LONRF3: variants seen among roughly 807,000 people sequenced by gnomAD.
The protein encoded by LONRF3 is LON peptidase N-terminal domain and RING finger protein 3.
A neutral mutation model predicts 51.7 loss-of-function variants in LONRF3; 19 were observed. The ratio of observed to expected loss-of-function variants is 0.37; its 90% CI spans 0.26 to 0.54. The LOEUF (loss-of-function observed/expected upper bound fraction) is 0.54, where lower values mean the gene tolerates loss of function less well. Among genes scored for constraint, LONRF3 ranks in the 20% least tolerant of loss-of-function variants. The pLI, the probability that LONRF3 is intolerant of heterozygous loss-of-function variation, is 0.86. For missense variants in LONRF3, 521 were observed against 623.9 expected (o/e 0.84, Z 1.76); for synonymous variants, 265 against 257.8 (o/e 1.03, Z -0.27).
chrX:119,013,342 G>C, intron 9 of LONRF3, 141 bp downstream of exon 9: 1 of 612,539 alleles, frequency 1.6e-6, no homozygotes, highest in Non-Finnish European at 2.5e-6. Flanking sequence ...ATTGAATGCT[G>C]CTGGATTGCT....
At position 118,975,079 on chromosome X, in the gene LONRF3, T is replaced by TGGCTGAGCAGCTGGAGC; in HGVS notation, c.300_316dup (p.Gln106ArgfsTer103). On this transcript the variant is annotated frameshift_variant, in exon 1 of 11. Transcript: ENST00000371628. LOFTEE classifies it high-confidence loss of function. ...CAGCTCTCCGAGCGGCAGCAGCTGG[T>TGGCTGAGCAGCTGGAGC]GGCTGAGCAGCTGGAGCAGCTGGTG... 1 of 1,174,095 alleles carries TGGCTGAGCAGCTGGAGC rather than the reference T, an allele frequency of 8.5e-7. No homozygotes were observed. Among genetic ancestry groups the TGGCTGAGCAGCTGGAGC allele is most frequent in the Non-Finnish European group, 1.1e-6 (1 of 877,105 alleles).
chrX:119,013,362 C>T (rs1020491435), intron 9 of LONRF3, among the ~76,000 whole-genome samples, 161 bp downstream of exon 9: 1 of 112,133 alleles, frequency 8.9e-6, no homozygotes, highest in African/African-American at 3.2e-5. Context: ...TGTCCAGTTG[C>T]ACTATGGCAG....
In LONRF3 at chrX:119,012,858, C is replaced by T. The variant is rs746471567; in HGVS notation, c.1812-181C>T. ...TGGTAGCAGTTACACGAATACATTACGAATTTTTTTTCTTCACACAGGCAC... is the reference window on the plus strand; with the variant it reads ...TGGTAGCAGTTACACGAATACATTATGAATTTTTTTTCTTCACACAGGCAC... On this transcript the variant is annotated intron_variant, in intron 8 of 10. Coordinates refer to ENST00000371628, the MANE Select transcript of LONRF3 (RefSeq NM_001031855.3). The T allele has an allele frequency of 2.8e-5, 33 of 1,169,578 alleles. 1 individual carries two copies. Among genetic ancestry groups the T allele is most frequent in the South Asian group, 9.3e-5 (5 of 53,644 alleles).
chrX:118,979,823 G>T (rs1054896496), intron 2 of LONRF3, among the ~76,000 whole-genome samples: 1 of 111,279 alleles, frequency 9.0e-6, no homozygotes, highest in Non-Finnish European at 1.9e-5. Flanking sequence ...TCACATGGGG[G>T]GTGAGAAGAA....
Position 118,989,607 on chromosome X carries a change from A to G in LONRF3, c.1259A>G (p.Lys420Arg). 8.3e-7 allele frequency: 1 copy of G among 1,211,589 alleles called. No individual in the cohort carries two copies. The part of the protein sequence containing the change: ...SSKTGKCQEK[K>R]RKHCQIESQE... ...AAGACTGGAAAATGCCAGGAAAAGA[A>G]AAGGAAACATTGCCAGATTGAATCC... is the stretch of plus-strand genomic sequence containing the variant. The change falls in exon 4 of 11, where the codon AAA (lysine) becomes AGA (arginine). Residue 420 changes from lysine (K) to arginine (R), a missense_variant. Lys to Arg is a conservative substitution (Grantham distance 26, BLOSUM62 2). Around this residue, in one of 2 missense-constraint regions of LONRF3, gnomAD observed 376 missense variants for 376.7 expected, o/e 1.00. Transcript: ENST00000371628.
At chrX:118,986,537 G>C (rs1290749761) in intron 3 of LONRF3, among the ~76,000 whole-genome samples, 2 of 111,997 alleles carry the variant, frequency 1.8e-5, no homozygotes, top group Non-Finnish European at 3.8e-5. Flanking sequence ...TTACCTCTCT[G>C]TCTCTTTCCT....
At chrX:119,002,382 A>G (rs1471318019) in intron 5 of LONRF3, among the ~76,000 whole-genome samples, 1 of 112,407 alleles carries the variant, frequency 8.9e-6, no homozygotes, top group Non-Finnish European at 1.9e-5. Context: ...TGAATTATCC[A>G]GAATTTATTA....
At chrX:119,007,895 AC>A (rs759968116) in intron 6 of LONRF3, among the ~76,000 whole-genome samples, 4 of 112,396 alleles carry the variant, frequency 3.6e-5, no homozygotes, top group Admixed American at 1.9e-4. Flanking sequence ...AGAAAAATCT[AC>A]CCATATGCTC....
At position 119,011,828 on chromosome X, in the gene LONRF3, G is replaced by T; in HGVS notation, c.1666G>T (p.Val556Leu). The T allele has an allele frequency of 8.3e-7, 1 of 1,211,170 alleles. No homozygotes were observed. The highest frequency in any genetic ancestry group is 1.1e-6 in the Non-Finnish European group (1 of 895,103). The change falls in exon 8 of 11, where the codon GTG becomes TTG. Residue 556 changes from valine to leucine, a missense_variant. Transcript: ENST00000371628. ...MEELSNLNKN[V>L]PIFVCTMAYP... is the part of the protein sequence containing the mutation. Reference sequence around the variant, plus strand: ...TCTTTCTGACAGCCTTAATAAGAATGTGCCTATTTTCGTGTGTACTATGGC... The same window carrying T: ...TCTTTCTGACAGCCTTAATAAGAATTTGCCTATTTTCGTGTGTACTATGGC...
intron 5 of LONRF3, among the ~76,000 whole-genome samples, chrX:119,002,786 T>G (rs1924415839): frequency 9.0e-6 from 1 of 111,310 alleles, no homozygotes; most frequent in South Asian, 3.8e-4. Flanking sequence ...TAAAAGCGCT[T>G]CTTCTTGTTT....
At chrX:119,011,046 G>A (rs1317836246) in intron 7 of LONRF3, among the ~76,000 whole-genome samples, 9 of 108,008 alleles carry the variant, frequency 8.3e-5, no homozygotes, top group Non-Finnish European at 5.8e-5. Context: ...CCCGGGAGGC[G>A]GAGGTTGCAG....
chrX:118,982,332 C>T (rs1182659747), intron 2 of LONRF3, among the ~76,000 whole-genome samples: 1 of 111,568 alleles, frequency 9.0e-6, no homozygotes, highest in Non-Finnish European at 1.9e-5. Context: ...ATCCCTTCTC[C>T]TGGGCCTCTT....
chrX:119,002,892 G>C (rs926704366), intron 5 of LONRF3, among the ~76,000 whole-genome samples: 1 of 110,369 alleles, frequency 9.1e-6, no homozygotes, highest in Non-Finnish European at 1.9e-5. Flanking sequence ...TCCACCTCCT[G>C]GGTTCAAGCG....
At chrX:118,995,951 A>G (rs1055848748) in intron 5 of LONRF3, among the ~76,000 whole-genome samples, 1 of 112,116 alleles carries the variant, frequency 8.9e-6, no homozygotes, top group Non-Finnish European at 1.9e-5. Context: ...TTTTGACACT[A>G]TTCCACAAGA....
At chrX:119,008,343 G>A (rs1924874256) in intron 6 of LONRF3, among the ~76,000 whole-genome samples, 2 of 111,969 alleles carry the variant, frequency 1.8e-5, no homozygotes, top group African/African-American at 6.5e-5. Flanking sequence ...AGTTTCCATA[G>A]CAAGCAATTC....
intron 2 of LONRF3, among the ~76,000 whole-genome samples, chrX:118,981,608 T>C (rs939836371): frequency 2.7e-5 from 3 of 111,498 alleles, no homozygotes; most frequent in African/African-American, 9.8e-5. Context: ...ATGCAAGCCT[T>C]TCCCAAACAC....
At chrX:119,014,171 G>C (rs1925288367) in intron 9 of LONRF3, 36 bp from the exon 10 acceptor site, 1 of 1,184,592 alleles carries the variant, frequency 8.4e-7, no homozygotes, top group East Asian at 3.0e-5. Context: ...GATGGAGAGG[G>C]TACAGAATGT....
chrX:118,997,750 G>A (rs1923975137), intron 5 of LONRF3, among the ~76,000 whole-genome samples: 1 of 112,260 alleles, frequency 8.9e-6, no homozygotes, highest in South Asian at 3.7e-4. Flanking sequence ...CTAATATCCA[G>A]AATCTACAAC....
In LONRF3 at chrX:119,018,087, C is replaced by T; in HGVS notation, c.*397C>T. On this transcript the variant is annotated 3_prime_UTR_variant, in exon 11 of 11. Transcript: ENST00000371628. ...TAATGTTGCTGTATAATTTCACTGA[C>T]TTGAGGTCTCATTCCAAATGGTTCA... 8.6e-6 allele frequency: 1 copy of T among 116,382 alleles called. No individual in the cohort carries two copies. Among genetic ancestry groups the T allele is most frequent in the East Asian group, 2.7e-4 (1 of 3,717 alleles). The allele number at this position is 116,382 out of a possible 1,213,427, so 9.6% of individuals were successfully genotyped here.
Sources: allele counts gnomAD v4.1 joint callset (sites outside exome capture counted in the v4.1 genomes callset), GRCh38; gene constraint gnomAD v4.1.1; regional missense constraint gnomAD v4.1.1; transcripts MANE v1.5; gene names NCBI Gene and HGNC (gene_info 2026-07-23, HGNC 2026-07-21).